The following CTNND2 variants were observed in gnomAD, a reference collection of about 807,000 sequenced individuals.
CTNND2 encodes the protein catenin delta 2.
Under a neutral mutation model 144.4 loss-of-function variants are expected in CTNND2, and 22 were observed. The ratio of observed to expected loss-of-function variants is 0.15; its 90% CI spans 0.11 to 0.22. CTNND2 has a LOEUF of 0.22. CTNND2 is among the 10% of genes least tolerant of loss of function. The pLI is 1.00. For missense variants in CTNND2, 1,353 were observed against 1,618.8 expected, an observed-to-expected ratio of 0.84 and a Z score of 2.82; for synonymous variants, 751 against 695.6, an observed-to-expected ratio of 1.08 and a Z score of -1.25.
chr5:11,577,381 T>C (rs563007897), intron 2 of CTNND2, among the ~76,000 whole-genome samples: 10 of 152,314 alleles, frequency 6.6e-5, no homozygotes, highest in African/African-American at 1.9e-4. Flanking sequence ...CATCATTAAA[T>C]AGAATGCAAA....
intron 14 of CTNND2, among the ~76,000 whole-genome samples, chr5:11,108,307 C>G (rs1201309289): frequency 6.6e-6 from 1 of 152,140 alleles, no homozygotes. Context: ...TCTTCCAAGA[C>G]ATCTCTTTCA....
chr5:11,612,432 C>G (rs1214261768), intron 2 of CTNND2, among the ~76,000 whole-genome samples: 1 of 152,094 alleles, frequency 6.6e-6, no homozygotes, highest in Non-Finnish European at 1.5e-5. Flanking sequence ...CCTAAATAAG[C>G]AGATTTATGC....
chr5:11,425,348 T>C (rs770255024), intron 3 of CTNND2, among the ~76,000 whole-genome samples: 3 of 152,208 alleles, frequency 2.0e-5, no homozygotes, highest in South Asian at 2.1e-4. Context: ...GTCTCCTTGA[T>C]TGACTACATG....
chr5:11,746,301 CCCTT>C (rs1438899432), intron 1 of CTNND2, among the ~76,000 whole-genome samples: 1 of 152,144 alleles, frequency 6.6e-6, no homozygotes, highest in Non-Finnish European at 1.5e-5. Flanking sequence ...CTGCCAAACT[CCCTT>C]TCTCTTTTCA....
At chr5:11,810,436 T>C (rs1792262478) in intron 1 of CTNND2, among the ~76,000 whole-genome samples, 1 of 151,692 alleles carries the variant, frequency 6.6e-6, no homozygotes, top group Non-Finnish European at 1.5e-5. Flanking sequence ...TTTGATAAAT[T>C]ATAAGAAAAC....
chr5:11,815,246 A>G (rs2126918291), intron 1 of CTNND2, among the ~76,000 whole-genome samples: 1 of 152,308 alleles, frequency 6.6e-6, no homozygotes, highest in East Asian at 1.9e-4. Flanking sequence ...TTTCTGTACC[A>G]ATGAATTAGA....
chr5:11,134,521 T>C (rs1755935843), intron 12 of CTNND2, among the ~76,000 whole-genome samples: 1 of 152,206 alleles, frequency 6.6e-6, no homozygotes. Context: ...AACTACTATA[T>C]TCACATAAGA....
rs73050084 is a variant in CTNND2, at chr5:11,530,466, G to A, written c.287+34478C>T. ...TGCTTTCCAGCCCTGGGACATCTCC[G>A]TAGTTAATTTCCAGGAGGTAGAAGA... On this transcript the variant is annotated intron_variant, in intron 3 of 21. Transcript: ENST00000304623. Among the ~76,000 whole-genome samples the A allele has an allele frequency of 2.5e-3, 374 of 152,254 alleles. 2 individuals are homozygous for A. Among genetic ancestry groups the A allele is most frequent in the African/African-American group, 8.4e-3 (348 of 41,550 alleles).
chr5:11,840,317 T>C (rs1282941740), intron 1 of CTNND2, among the ~76,000 whole-genome samples: 3 of 152,174 alleles, frequency 2.0e-5, no homozygotes, highest in Non-Finnish European at 2.9e-5. Context: ...TTGTCAAACA[T>C]TAATTGTTTA....
intron 3 of CTNND2, among the ~76,000 whole-genome samples, chr5:11,515,322 T>TC (rs1489862150): frequency 1.3e-5 from 2 of 152,268 alleles, no homozygotes; most frequent in African/African-American, 4.8e-5. Context: ...GAAGCTACTA[T>TC]CCTCTTTCTG....
In CTNND2 at chr5:11,110,780, TC is replaced by T. The variant is rs1360286369; in HGVS notation, c.2463+77del. 15 of 1,334,756 alleles carry T rather than the reference TC, an allele frequency of 1.1e-5. No individual in the cohort carries two copies. In the East Asian group the frequency reaches 3.1e-4, roughly 27 times the overall value. The allele number at this position is 1,334,756 out of a possible 1,614,324, so 82.7% of individuals were successfully genotyped here. A position where few individuals can be genotyped will look rare whatever the true frequency, so the allele number is the denominator to read the frequency against. On this transcript the variant is annotated intron_variant, in intron 14 of 21. Coordinates refer to ENST00000304623, the MANE Select transcript of CTNND2 (RefSeq NM_001332.4). ...CTCCTGATGAAAATGCAGGGCTCATTCTCTATATATTGAGGATATATTACAG... is the reference window on the plus strand; with the variant it reads ...CTCCTGATGAAAATGCAGGGCTCATTTCTATATATTGAGGATATATTACAG...
At chr5:11,026,103 C>T (rs1742792174) in intron 16 of CTNND2, among the ~76,000 whole-genome samples, 2 of 152,058 alleles carry the variant, frequency 1.3e-5, no homozygotes, top group Non-Finnish European at 2.9e-5. Flanking sequence ...GAGGCTGGAT[C>T]ACCAGGTGGA....
chr5:11,692,830 G>A (rs1377162890), intron 2 of CTNND2, among the ~76,000 whole-genome samples: 1 of 152,222 alleles, frequency 6.6e-6, no homozygotes, highest in East Asian at 1.9e-4. Context: ...TTGTACTCCT[G>A]ATCTCAAGTG....
At chr5:11,735,792 C>T (rs975858671) in intron 1 of CTNND2, among the ~76,000 whole-genome samples, 1 of 152,126 alleles carries the variant, frequency 6.6e-6, no homozygotes, top group African/African-American at 2.4e-5. Context: ...TGAGGCCTCC[C>T]CAGCCATGCA....
At chr5:11,142,501 C>G (rs1255117999) in intron 12 of CTNND2, among the ~76,000 whole-genome samples, 3 of 152,104 alleles carry the variant, frequency 2.0e-5, no homozygotes, top group Non-Finnish European at 4.4e-5. Flanking sequence ...CATACCCCTA[C>G]CTTGGCAGGT....
intron 12 of CTNND2, among the ~76,000 whole-genome samples, chr5:11,136,333 T>C (rs1361929745): frequency 1.3e-5 from 2 of 152,120 alleles, no homozygotes; most frequent in Non-Finnish European, 2.9e-5. Context: ...ATGAATTAAA[T>C]TAGTGATGAA....
intron 9 of CTNND2, among the ~76,000 whole-genome samples, chr5:11,318,143 T>C (rs1188266734): frequency 2.0e-5 from 3 of 152,112 alleles, no homozygotes. Flanking sequence ...AATTCTTTCT[T>C]TATGAACCCA....
At chr5:11,809,078 T>C (rs1198379934) in intron 1 of CTNND2, among the ~76,000 whole-genome samples, 1 of 152,168 alleles carries the variant, frequency 6.6e-6, no homozygotes, top group East Asian at 1.9e-4. Context: ...TTGCGCAAAA[T>C]TCTAAATGTA....
chr5:11,200,514 G>T (rs1561011438), intron 10 of CTNND2, among the ~76,000 whole-genome samples: 1 of 152,160 alleles, frequency 6.6e-6, no homozygotes, highest in Non-Finnish European at 1.5e-5. Flanking sequence ...ATTCGTGCAG[G>T]AATACCCTTC....
Sources: allele counts gnomAD v4.1 joint callset (sites outside exome capture counted in the v4.1 genomes callset), GRCh38; gene constraint gnomAD v4.1.1; transcripts MANE v1.5; gene names NCBI Gene and HGNC (gene_info 2026-07-23, HGNC 2026-07-21).